NLGN1: variants seen among roughly 807,000 people sequenced by gnomAD.
NLGN1 encodes neuroligin 1, also known as neuroligin-1.
A neutral mutation model predicts 65.5 loss-of-function variants in NLGN1; 12 were observed. That is an observed-to-expected ratio of 0.18 (90% CI 0.12 to 0.30). The LOEUF (loss-of-function observed/expected upper bound fraction) is 0.30, where lower values mean the gene tolerates loss of function less well. Among genes scored for constraint, NLGN1 ranks in the 10% least tolerant of loss-of-function variants. The pLI, the probability that NLGN1 is intolerant of heterozygous loss-of-function variation, is 1.00. For synonymous variants in NLGN1, 350 were observed against 359.5 expected (o/e 0.97, Z 0.30); for missense variants, 750 against 1,007.1 (o/e 0.74, Z 3.46).
chr3:173,731,095 C>A (rs1448559335), intron 3 of NLGN1, among the ~76,000 whole-genome samples: 1 of 152,038 alleles, frequency 6.6e-6, no homozygotes, highest in African/African-American at 2.4e-5. Flanking sequence ...ATATCATTCA[C>A]ATAGAGTCTT....
chr3:173,513,252 AGGAGGT>A (rs1733281570), intron 2 of NLGN1, among the ~76,000 whole-genome samples: 1 of 151,924 alleles, frequency 6.6e-6, no homozygotes. Flanking sequence ...AATTGCTGTG[AGGAGGT>A]GGTAGAGCTC....
intron 3 of NLGN1, among the ~76,000 whole-genome samples, chr3:173,742,693 C>T (rs1037040917): frequency 3.3e-5 from 5 of 151,938 alleles, no homozygotes; most frequent in African/African-American, 4.8e-5. Flanking sequence ...ACAAATTTCC[C>T]CTGAGAGTTC....
chr3:174,070,789 T>C (rs1315061095), intron 4 of NLGN1, among the ~76,000 whole-genome samples: 1 of 152,198 alleles, frequency 6.6e-6, no homozygotes, highest in Admixed American at 6.5e-5. Flanking sequence ...GTGCAGTGGC[T>C]CACGCCTATA....
chr3:174,230,763 C>T (rs1470806153), intron 4 of NLGN1, among the ~76,000 whole-genome samples: 1 of 151,764 alleles, frequency 6.6e-6, no homozygotes, highest in East Asian at 1.9e-4. Context: ...CAAGATCCTT[C>T]TTTTTATGGA....
At chr3:173,725,514 C>T (rs1197020315) in intron 3 of NLGN1, among the ~76,000 whole-genome samples, 6 of 152,182 alleles carry the variant, frequency 3.9e-5, no homozygotes, top group Admixed American at 3.9e-4. Flanking sequence ...AGGGGGATCC[C>T]TTCCCCCCAA....
At chr3:174,184,710 G>T (rs922173270) in intron 4 of NLGN1, among the ~76,000 whole-genome samples, 4 of 152,152 alleles carry the variant, frequency 2.6e-5, no homozygotes, top group Admixed American at 2.0e-4. Flanking sequence ...TTAAGGTGTA[G>T]TCAGGAGACA....
chr3:173,691,301 G>A (rs1278934214), intron 3 of NLGN1, among the ~76,000 whole-genome samples: 3 of 152,002 alleles, frequency 2.0e-5, no homozygotes, highest in Non-Finnish European at 2.9e-5. Flanking sequence ...AAGCCAATGC[G>A]TTCTCTCTCT....
At chr3:174,050,627 G>C (rs2152502488) in intron 4 of NLGN1, among the ~76,000 whole-genome samples, 1 of 152,116 alleles carries the variant, frequency 6.6e-6, no homozygotes, top group East Asian at 1.9e-4. Flanking sequence ...AGTACTCTCT[G>C]CTTTGGATTA....
Position 173,967,732 on chromosome 3 carries a change from T to G in NLGN1, c.646+159900T>G, listed in dbSNP as rs561106592. On this transcript the variant is annotated intron_variant, in intron 4 of 6. Transcript: ENST00000457714. ...CTTCTGCTTTATTCTGTCTCTGAACTTATCAGTTCAATGAGCCTTTACTTT... is the reference window on the plus strand; with the variant it reads ...CTTCTGCTTTATTCTGTCTCTGAACGTATCAGTTCAATGAGCCTTTACTTT... Among the ~76,000 whole-genome samples, 3 of 152,312 alleles carry G rather than the reference T, an allele frequency of 2.0e-5. No individual in the cohort carries two copies. The South Asian group carries it at 6.2e-4, about 32-fold the overall frequency.
At chr3:173,722,763 G>A (rs1194029682) in intron 3 of NLGN1, among the ~76,000 whole-genome samples, 2 of 152,006 alleles carry the variant, frequency 1.3e-5, no homozygotes, top group Non-Finnish European at 1.5e-5. Flanking sequence ...CATCATTAAT[G>A]ATAATGTTAA....
chr3:174,004,855 G>C (rs1355407087), intron 4 of NLGN1, among the ~76,000 whole-genome samples: 3 of 151,918 alleles, frequency 2.0e-5, no homozygotes, highest in Non-Finnish European at 2.9e-5. Context: ...CTTAAATTAC[G>C]TTCGTGTTAA....
chr3:174,194,503 A>G (rs1347372873), intron 4 of NLGN1, among the ~76,000 whole-genome samples: 2 of 151,934 alleles, frequency 1.3e-5, no homozygotes, highest in Non-Finnish European at 2.9e-5. Context: ...CTTTTGTGAC[A>G]TAATCCACCT....
intron 4 of NLGN1, among the ~76,000 whole-genome samples, chr3:174,097,898 G>A (rs1024659544): frequency 1.3e-5 from 2 of 152,150 alleles, no homozygotes; most frequent in African/African-American, 4.8e-5. Flanking sequence ...GGTGAGTGGT[G>A]CATAGTTAGC....
intron 3 of NLGN1, among the ~76,000 whole-genome samples, chr3:173,730,737 G>T (rs1346231474): frequency 6.6e-6 from 1 of 151,920 alleles, no homozygotes; most frequent in Non-Finnish European, 1.5e-5. Context: ...TAGGCAAATT[G>T]TTTTCTCAAC....
intron 4 of NLGN1, among the ~76,000 whole-genome samples, chr3:174,154,114 A>G (rs544958434): frequency 1.3e-5 from 2 of 152,190 alleles, no homozygotes; most frequent in South Asian, 4.1e-4. Context: ...TTAGGTTATT[A>G]TGGAATCAGG....
intron 4 of NLGN1, among the ~76,000 whole-genome samples, chr3:174,195,546 C>G (rs1430436133): frequency 1.3e-5 from 2 of 152,182 alleles, no homozygotes; most frequent in South Asian, 4.1e-4. Flanking sequence ...ACCAAATCCA[C>G]TCTGAATTTG....
At chr3:174,254,293 A>G (rs939122084) in intron 4 of NLGN1, among the ~76,000 whole-genome samples, 1 of 147,882 alleles carries the variant, frequency 6.8e-6, no homozygotes, top group Non-Finnish European at 1.5e-5. Context: ...TTTCTTAGGA[A>G]AAGTCCTTTT....
intron 4 of NLGN1, among the ~76,000 whole-genome samples, chr3:173,873,481 G>C (rs558833813): frequency 9.2e-4 from 140 of 152,162 alleles, no homozygotes; most frequent in Non-Finnish European, 1.6e-3. Flanking sequence ...ATAACTATTT[G>C]AAGTTATAAA....
chr3:173,984,241 T>C (rs1294032116), intron 4 of NLGN1, among the ~76,000 whole-genome samples: 1 of 152,218 alleles, frequency 6.6e-6, no homozygotes, highest in East Asian at 1.9e-4. Flanking sequence ...CTGCTTCTGC[T>C]GGCTTATTAT....
Sources: allele counts gnomAD v4.1 joint callset (sites outside exome capture counted in the v4.1 genomes callset), GRCh38; gene constraint gnomAD v4.1.1; transcripts MANE v1.5; gene names NCBI Gene and HGNC (gene_info 2026-07-23, HGNC 2026-07-21).